Variants in TMEM117 observed in about 807,000 individuals in gnomAD.
TMEM117 encodes transmembrane protein 117.
A neutral mutation model predicts 52.4 loss-of-function variants in TMEM117; 27 were observed. The observed-to-expected ratio is 0.51, with a 90% confidence interval of 0.38 to 0.71. TMEM117 has a LOEUF of 0.71. Ranked by LOEUF, TMEM117 falls within the 30% of genes least tolerant of loss-of-function variation. The pLI is 0.00. For missense variants in TMEM117, 556 were observed against 630.5 expected (o/e 0.88, Z 1.26); for synonymous variants, 215 against 206.3 (o/e 1.04, Z -0.36).
intron 1 of TMEM117, among the ~76,000 whole-genome samples, chr12:43,843,345 G>A (rs1051809458): frequency 2.0e-5 from 3 of 152,138 alleles, no homozygotes; most frequent in African/African-American, 4.8e-5. Flanking sequence ...GGCTCACAAA[G>A]TCCAAACCCC....
chr12:44,087,214 AAAT>A (rs1947585704), intron 3 of TMEM117, among the ~76,000 whole-genome samples: 1 of 151,800 alleles, frequency 6.6e-6, no homozygotes, highest in Non-Finnish European at 1.5e-5. Flanking sequence ...TAATTTCACA[AAAT>A]AAAATAGCTC....
chr12:44,155,267 G>A (rs1490113305), intron 4 of TMEM117, among the ~76,000 whole-genome samples: 4 of 151,914 alleles, frequency 2.6e-5, no homozygotes, highest in East Asian at 1.9e-4. Context: ...AAATATATAC[G>A]AAACACATGT....
At chr12:43,981,325 T>C (rs1945756740) in intron 3 of TMEM117, among the ~76,000 whole-genome samples, 1 of 152,226 alleles carries the variant, frequency 6.6e-6, no homozygotes, top group Non-Finnish European at 1.5e-5. Flanking sequence ...GGGAATATTA[T>C]CACTATCTTC....
intron 2 of TMEM117, among the ~76,000 whole-genome samples, chr12:43,908,352 A>C (rs2137524592): frequency 1.2e-5 from 1 of 81,468 alleles, no homozygotes; most frequent in African/African-American, 2.9e-5. Flanking sequence ...GGAAGCACTA[A>C]ACATGGAAAG....
At position 44,352,454 on chromosome 12, in the gene TMEM117, C is replaced by G. The variant is rs1482572516; in HGVS notation, c.769-24141C>G. ...ATGCTATCCCTCCCCACTTTCCCCACCCCACAACAGTCCCCGGAGTGTGAT... is the reference window on the plus strand; with the variant it reads ...ATGCTATCCCTCCCCACTTTCCCCAGCCCACAACAGTCCCCGGAGTGTGAT... On this transcript the variant is annotated intron_variant, in intron 6 of 7. Transcript: ENST00000266534. Among the ~76,000 whole-genome samples, 8 of 152,120 alleles carry G rather than the reference C, an allele frequency of 5.3e-5. No homozygotes were observed. In the East Asian group the frequency reaches 1.5e-3, roughly 29 times the overall value.
the TMEM117 span, among the ~76,000 whole-genome samples, chr12:43,802,702 A>G: frequency 6.6e-6 from 1 of 152,198 alleles, no homozygotes; most frequent in Non-Finnish European, 1.5e-5. Context: ...TAAGAAAGAA[A>G]CATATAAAAA....
chr12:43,948,231 A>G (rs1431861737), intron 3 of TMEM117, among the ~76,000 whole-genome samples: 3 of 151,812 alleles, frequency 2.0e-5, no homozygotes, highest in African/African-American at 7.3e-5. Context: ...ACGAGGAAAA[A>G]CCTTGTCTCA....
intron 5 of TMEM117, among the ~76,000 whole-genome samples, chr12:44,294,406 T>C (rs1191806915): frequency 6.6e-6 from 1 of 152,200 alleles, no homozygotes; most frequent in South Asian, 2.1e-4. Context: ...TTAATGCCTT[T>C]TCCATCTTTG....
chr12:43,992,518 A>G (rs1450162180), intron 3 of TMEM117, among the ~76,000 whole-genome samples: 4 of 152,126 alleles, frequency 2.6e-5, no homozygotes, highest in East Asian at 1.9e-4. Flanking sequence ...GGTTCAAGCA[A>G]TCCTTCCATC....
At chr12:44,254,714 T>C (rs1002035576) in intron 5 of TMEM117, among the ~76,000 whole-genome samples, 1 of 152,182 alleles carries the variant, frequency 6.6e-6, no homozygotes, top group African/African-American at 2.4e-5. Flanking sequence ...ATGTGCAGGT[T>C]TGTTACATAT....
chr12:44,210,766 T>C (rs186518501), intron 4 of TMEM117, among the ~76,000 whole-genome samples: 1 of 152,178 alleles, frequency 6.6e-6, no homozygotes, highest in Admixed American at 6.6e-5. Flanking sequence ...AGGAAGAACA[T>C]TTTTAGATGA....
chr12:44,106,005 A>G (rs1405766862), intron 3 of TMEM117, among the ~76,000 whole-genome samples: 1 of 152,062 alleles, frequency 6.6e-6, no homozygotes, highest in Admixed American at 6.6e-5. Flanking sequence ...AGATGTGTCC[A>G]TACCGAGCCT....
At chr12:43,796,903 G>T in the TMEM117 span, 7 of 1,414,738 alleles carry the variant, frequency 4.9e-6, no homozygotes, top group African/African-American at 1.0e-4. Context: ...ATAAATCACA[G>T]TACATCATAA....
intron 3 of TMEM117, among the ~76,000 whole-genome samples, chr12:44,100,190 AAC>A (rs1273790187): frequency 6.6e-6 from 1 of 151,970 alleles, no homozygotes; most frequent in Non-Finnish European, 1.5e-5. Flanking sequence ...AAAAACTGAA[AAC>A]ACGGGTTATT....
intron 4 of TMEM117, among the ~76,000 whole-genome samples, chr12:44,177,346 C>T (rs1241413669): frequency 3.3e-5 from 5 of 152,282 alleles, no homozygotes; most frequent in African/African-American, 1.2e-4. Flanking sequence ...TCATTGAAGG[C>T]TCAATGCGAA....
Position 43,909,764 on chromosome 12 carries a change from G to A in TMEM117, c.278-34446G>A, listed in dbSNP as rs1339845955. ...TCTAGAAGAAATGGATAAATTCCTC[G>A]ACACATACACTCTCCCAAGACTAAA... On this transcript the variant is annotated intron_variant, in intron 2 of 7. Coordinates refer to ENST00000266534, the MANE Select transcript of TMEM117 (RefSeq NM_032256.3). 5.1e-3 allele frequency among the ~76,000 whole-genome samples: 744 copies of A among 146,090 alleles called. 4 individuals carry two copies. Among genetic ancestry groups the A allele is most frequent in the Non-Finnish European group, 7.7e-3 (502 of 65,538 alleles).
At chr12:44,398,291 T>A in the TMEM117 span, among the ~76,000 whole-genome samples, 3 of 152,006 alleles carry the variant, frequency 2.0e-5, no homozygotes, top group Non-Finnish European at 4.4e-5. Context: ...ATGCAAGGGA[T>A]CCAATATGGA....
downstream of TMEM117, among the ~76,000 whole-genome samples, chr12:44,394,086 T>C (rs537042915): frequency 1.7e-3 from 252 of 152,310 alleles, 1 homozygote; most frequent in African/African-American, 5.8e-3. Flanking sequence ...ATAATTTGAA[T>C]ATGGGCTCTA....
At chr12:44,237,975 T>G (rs1950018600) in intron 5 of TMEM117, among the ~76,000 whole-genome samples, 1 of 152,156 alleles carries the variant, frequency 6.6e-6, no homozygotes, top group Non-Finnish European at 1.5e-5. Context: ...TGCAGACATT[T>G]ATTCAGCACT....
Sources: gnomAD v4.1 joint callset for allele counts (sites outside exome capture counted in the v4.1 genomes callset) on GRCh38, gnomAD v4.1.1 for gene constraint, MANE v1.5 for transcripts, NCBI Gene and HGNC (gene_info 2026-07-23, HGNC 2026-07-21) for gene names.